CLGN: variants seen among roughly 807,000 people sequenced by gnomAD.
CLGN encodes calmegin, also known as testis tissue sperm-binding protein Li 79P.
Under a neutral mutation model 79.1 loss-of-function variants are expected in CLGN, and 62 were observed. The ratio of observed to expected loss-of-function variants is 0.78; its 90% CI spans 0.64 to 0.97. The LOEUF is 0.97. Among genes scored for constraint, CLGN ranks in the 50% least tolerant of loss-of-function variants. CLGN has a pLI of 0.00. For synonymous variants in CLGN, 225 were observed against 224.7 expected (o/e 1.00, Z -0.01); for missense variants, 647 against 715.5 (o/e 0.90, Z 1.09).
At position 140,390,131 on chromosome 4, in the gene CLGN, G is replaced by A. The variant is rs111629469; in HGVS notation, c.1752+497C>T. Among the ~76,000 whole-genome samples, 18 of 151,738 alleles carry A rather than the reference G, an allele frequency of 1.2e-4. 1 individual carries two copies. The highest frequency in any genetic ancestry group is 3.6e-4 in the African/African-American group (15 of 41,486). On this transcript the variant is annotated intron_variant, in intron 14 of 14. Transcript: ENST00000325617. ...CCATTTTATATCAGGACACAAAAAG[G>A]GGTAGACTAATAAGGGGGGAGAAAA...
intron 5 of CLGN, among the ~76,000 whole-genome samples, chr4:140,404,251 A>G (rs1410473147): frequency 4.0e-5 from 6 of 151,090 alleles, no homozygotes; most frequent in East Asian, 3.9e-4. Context: ...CTGCCACCAC[A>G]CCCGGCTAAT....
chr4:140,404,660 TTTC>T (rs1166977729), intron 5 of CLGN, among the ~76,000 whole-genome samples: 10 of 149,590 alleles, frequency 6.7e-5, no homozygotes, highest in African/African-American at 2.5e-4. Flanking sequence ...TTTTTCTTTC[TTTC>T]TTTTTTTTTG....
intron 4 of CLGN, among the ~76,000 whole-genome samples, chr4:140,406,492 CTATT>C (rs1213636799): frequency 1.7e-4 from 26 of 152,268 alleles, no homozygotes; most frequent in Admixed American, 1.7e-3. Flanking sequence ...AATGAGTAGT[CTATT>C]TATTTTGAAA....
intron 1 of CLGN, among the ~76,000 whole-genome samples, chr4:140,425,843 G>T (rs1181768153): frequency 6.6e-6 from 1 of 151,850 alleles, no homozygotes; most frequent in African/African-American, 2.4e-5. Context: ...TGGTCAGGCT[G>T]GTCTCCAACT....
chr4:140,410,642 T>G lies in CLGN; in HGVS notation c.145-16A>C, dbSNP rs777349342. The G allele has an allele frequency of 6.9e-7, 1 of 1,442,336 alleles. No individual in the cohort carries two copies. The highest frequency in any genetic ancestry group is 9.7e-7 in the Non-Finnish European group (1 of 1,031,566). 89.3% of individuals were successfully genotyped at this position (1,442,336 alleles called of 1,614,324 possible). A position where few individuals can be genotyped will look rare whatever the true frequency, so the allele number is the denominator to read the frequency against. On this transcript the variant is annotated splice_polypyrimidine_tract_variant and intron_variant, in intron 2 of 14. Transcript: ENST00000325617. ...TATATTTAATCTAGAAAAGAGATTT[T>G]CCAAGTCTAAAGTTATTCATTTTCA...
chr4:140,398,824 T>C, intron 8 of CLGN, 27 bp downstream of exon 8: 1 of 1,602,672 alleles, frequency 6.2e-7, no homozygotes, highest in Non-Finnish European at 8.5e-7. Context: ...TGCCAGATAA[T>C]GCTTTGCTAC....
In CLGN at chr4:140,400,246, T is replaced by C. The variant is rs113623757; in HGVS notation, c.694+111A>G. On this transcript the variant is annotated intron_variant, in intron 7 of 14. Coordinates refer to ENST00000325617, the MANE Select transcript of CLGN (RefSeq NM_004362.3). The stretch of plus-strand genomic sequence containing the variant: ...TACATGTCCTATTTTCTGAAAAAGA[T>C]AAGCTCCTTCAGGATGGGGTACACA... 1,193 of 707,688 alleles carry C rather than the reference T, an allele frequency of 1.7e-3. 13 individuals are homozygous for C. The African/African-American group carries it at 0.017, about 10-fold the overall frequency. The allele number at this position is 707,688 out of a possible 1,614,324, so 43.8% of individuals were successfully genotyped here. A position where few individuals can be genotyped will look rare whatever the true frequency, so the allele number is the denominator to read the frequency against.
rs369390687 is a variant in CLGN, at chr4:140,409,890, A to G, written c.224T>C (p.Val75Ala). The part of the protein sequence containing the change: ...TFDSGRLAGW[V>A]LSKAKKDDMD... Reference sequence around the variant, plus strand: ...GTCATCTTTCTTTGCTTTTGATAAGACCCATCTGTAAATAAAGTTGAACAT... The same window carrying G: ...GTCATCTTTCTTTGCTTTTGATAAGGCCCATCTGTAAATAAAGTTGAACAT... The change falls in exon 4 of 15, where the codon GTC becomes GCC. Residue 75 changes from valine to alanine, a missense_variant. Coordinates refer to ENST00000325617, the MANE Select transcript of CLGN (RefSeq NM_004362.3). 9.5e-5 allele frequency: 152 copies of G among 1,596,392 alleles called. No individual in the cohort carries two copies. The highest frequency in any genetic ancestry group is 1.2e-4 in the Non-Finnish European group (139 of 1,168,272).
chr4:140,392,766 G>A (rs1487935354), intron 11 of CLGN, 55 bp from the exon 12 acceptor site: 1 of 1,476,626 alleles, frequency 6.8e-7, no homozygotes, highest in Non-Finnish European at 9.0e-7. Context: ...CCTTTACTGG[G>A]TAACACAAGA....
chr4:140,409,225 T>A (rs182180362), intron 4 of CLGN, among the ~76,000 whole-genome samples: 3 of 152,136 alleles, frequency 2.0e-5, no homozygotes, highest in African/African-American at 4.8e-5. Context: ...CTTCAGCATA[T>A]AACAATCAAG....
rs569535925 is a variant in CLGN, at chr4:140,413,995, C to T, written c.-9-908G>A. Among the ~76,000 whole-genome samples the T allele has an allele frequency of 3.4e-3, 512 of 152,334 alleles. 1 individual carries two copies. Among genetic ancestry groups the T allele is most frequent in the South Asian group, 0.011 (53 of 4,834 alleles). The stretch of plus-strand genomic sequence containing the variant: ...GAAGAGAGCAGTGGTTCTCCCAGCA[C>T]GCAGCTGGAGATCTGAGAACGGGCA... On this transcript the variant is annotated intron_variant, in intron 1 of 14. Transcript: ENST00000325617.
chr4:140,420,460 A>C (rs1729443478), intron 1 of CLGN, among the ~76,000 whole-genome samples: 1 of 152,180 alleles, frequency 6.6e-6, no homozygotes. Flanking sequence ...TTCCTAATCA[A>C]CAAAACAAAA....
chr4:140,396,646 T>G (rs566467046), intron 8 of CLGN, among the ~76,000 whole-genome samples: 6 of 151,862 alleles, frequency 4.0e-5, no homozygotes, highest in African/African-American at 1.4e-4. Context: ...AACCTCTGCC[T>G]TCCGGGTTCA....
intron 13 of CLGN, 38 bp from the exon 14 acceptor site, chr4:140,390,766 A>T: frequency 5.0e-6 from 7 of 1,407,078 alleles, no homozygotes; most frequent in Non-Finnish European, 6.8e-6. Context: ...AGACTCAATA[A>T]ATTAGAATTT....
At chr4:140,410,485 G>C in intron 3 of CLGN, 68 bp downstream of exon 3, 1 of 1,126,744 alleles carries the variant, frequency 8.9e-7, no homozygotes, top group Non-Finnish European at 1.3e-6. Context: ...AATTTTCATA[G>C]GCCAAAACCT....
chr4:140,393,524 C>T (rs1355171303), intron 11 of CLGN, among the ~76,000 whole-genome samples: 7 of 151,954 alleles, frequency 4.6e-5, no homozygotes, highest in African/African-American at 7.2e-5. Flanking sequence ...CTTGAACTGG[C>T]AAGATGACAA....
At chr4:140,398,228 A>G (rs868215245) in intron 8 of CLGN, among the ~76,000 whole-genome samples, 13 of 145,494 alleles carry the variant, frequency 8.9e-5, no homozygotes, top group African/African-American at 3.3e-4. Flanking sequence ...TGAAGCAGTT[A>G]TATGTGGTTT....
At chr4:140,393,760 C>T (rs1728817633) in intron 11 of CLGN, 66 bp downstream of exon 11, 3 of 1,406,088 alleles carry the variant, frequency 2.1e-6, no homozygotes, top group Admixed American at 1.8e-5. Flanking sequence ...ATCTGAATAA[C>T]CTACAACCAA....
At chr4:140,424,530 T>G (rs1729526847) in intron 1 of CLGN, among the ~76,000 whole-genome samples, 2 of 152,318 alleles carry the variant, frequency 1.3e-5, no homozygotes, top group South Asian at 4.1e-4. Context: ...TTAGTTGGCT[T>G]GTGGTGTTAT....
Sources: allele counts gnomAD v4.1 joint callset (sites outside exome capture counted in the v4.1 genomes callset), GRCh38; gene constraint gnomAD v4.1.1; transcripts MANE v1.5; gene names NCBI Gene and HGNC (gene_info 2026-07-23, HGNC 2026-07-21).